Variants in EGFLAM observed in about 807,000 individuals in gnomAD.
EGFLAM encodes the protein EGF like, fibronectin type III and laminin G domains.
EGFLAM carries 79 observed loss-of-function variants against 113.1 expected under a neutral mutation model. The observed-to-expected ratio is 0.70, with a 90% CI of 0.58 to 0.84. The LOEUF (loss-of-function observed/expected upper bound fraction) is 0.84, where lower values mean the gene tolerates loss of function less well. Ranked by LOEUF, EGFLAM falls within the 40% of genes least tolerant of loss-of-function variation. The pLI is 0.00. For synonymous variants in EGFLAM, 504 were observed against 487.6 expected (o/e 1.03, Z -0.44); for missense variants, 1,265 against 1,291.6 (o/e 0.98, Z 0.32).
At chr5:38,399,165 G>T (rs1424818614) in intron 6 of EGFLAM, among the ~76,000 whole-genome samples, 1 of 152,120 alleles carries the variant, frequency 6.6e-6, no homozygotes, top group Admixed American at 6.5e-5. Context: ...CACCTACCCA[G>T]GCTACTGTTT....
chr5:38,443,769 C>CTTTT (rs11320853), intron 17 of EGFLAM, among the ~76,000 whole-genome samples: 3 of 133,268 alleles, frequency 2.3e-5, no homozygotes, highest in Admixed American at 7.5e-5. Flanking sequence ...CCCTTCAACT[C>CTTTT]TTTTTTTTTT....
At chr5:38,347,697 C>T (rs552880496) in intron 3 of EGFLAM, among the ~76,000 whole-genome samples, 194 of 152,120 alleles carry the variant, frequency 1.3e-3, no homozygotes, top group African/African-American at 4.4e-3. Context: ...GGAGGGGACA[C>T]GGTACGGGAT....
chr5:38,358,116 C>A (rs1186358403), intron 5 of EGFLAM, among the ~76,000 whole-genome samples: 1 of 151,512 alleles, frequency 6.6e-6, no homozygotes, highest in Non-Finnish European at 1.5e-5. Flanking sequence ...CCACTGTATT[C>A]CAGCTCAGGC....
intron 1 of EGFLAM, among the ~76,000 whole-genome samples, chr5:38,309,646 C>T (rs1738363123): frequency 6.6e-6 from 1 of 152,146 alleles, no homozygotes; most frequent in Non-Finnish European, 1.5e-5. Flanking sequence ...GACAATGTGA[C>T]CTAAAGCCTT....
At chr5:38,305,484 G>A (rs1758698788) in intron 1 of EGFLAM, 1 of 454,836 alleles carries the variant, frequency 2.2e-6, no homozygotes, top group Non-Finnish European at 4.4e-6. Flanking sequence ...CATGACGCAG[G>A]ACCAAAGCTG....
At chr5:38,445,700 A>G in intron 17 of EGFLAM, 1 of 1,598,366 alleles carries the variant, frequency 6.3e-7, no homozygotes, top group South Asian at 1.1e-5. Context: ...TACTGCCTCA[A>G]TAGTAAGTAC....
At chr5:38,308,097 A>G (rs979820679) in intron 1 of EGFLAM, among the ~76,000 whole-genome samples, 6 of 152,248 alleles carry the variant, frequency 3.9e-5, no homozygotes, top group African/African-American at 1.4e-4. Flanking sequence ...CTTAGGAATA[A>G]ACAGACTTCT....
intron 19 of EGFLAM, among the ~76,000 whole-genome samples, chr5:38,452,616 C>A (rs1742958344): frequency 6.6e-6 from 1 of 152,198 alleles, no homozygotes; most frequent in South Asian, 2.1e-4. Context: ...AAACCCTAAG[C>A]TCCAGGAGCC....
At chr5:38,367,731 G>A (rs993649682) in intron 5 of EGFLAM, among the ~76,000 whole-genome samples, 5 of 152,164 alleles carry the variant, frequency 3.3e-5, no homozygotes, top group Non-Finnish European at 5.9e-5. Flanking sequence ...GTGTTTTGGA[G>A]GATGATTTAA....
intron 12 of EGFLAM, among the ~76,000 whole-genome samples, chr5:38,424,160 G>T (rs1741925060): frequency 6.6e-6 from 1 of 152,172 alleles, no homozygotes; most frequent in Non-Finnish European, 1.5e-5. Flanking sequence ...CACACAAAGA[G>T]AAAACACAAA....
At chr5:38,354,280 T>C (rs554479525) in intron 5 of EGFLAM, among the ~76,000 whole-genome samples, 44 of 152,262 alleles carry the variant, frequency 2.9e-4, no homozygotes, top group Non-Finnish European at 4.9e-4. Flanking sequence ...TAATCCTGGT[T>C]CCAATACTGG....
chr5:38,286,179 C>T (rs1430225303), intron 1 of EGFLAM: 1 of 152,006 alleles, frequency 6.6e-6, no homozygotes, highest in African/African-American at 2.4e-5. Flanking sequence ...GAAACAAGAA[C>T]ACTTTTACTC....
intron 15 of EGFLAM, among the ~76,000 whole-genome samples, 165 bp from the exon 16 acceptor site, chr5:38,434,972 T>C (rs1742297370): frequency 6.6e-6 from 1 of 152,188 alleles, no homozygotes; most frequent in Admixed American, 6.5e-5. Context: ...TAAGGAGCAA[T>C]GAGAAACACT....
chr5:38,334,160 G>C (rs1739125242), intron 1 of EGFLAM, among the ~76,000 whole-genome samples: 2 of 152,102 alleles, frequency 1.3e-5, no homozygotes, highest in African/African-American at 4.8e-5. Context: ...CTGACCTCAG[G>C]TGATCCACCT....
chr5:38,357,437 A>G (rs989824718), intron 5 of EGFLAM, among the ~76,000 whole-genome samples: 5 of 152,084 alleles, frequency 3.3e-5, no homozygotes, highest in Non-Finnish European at 7.4e-5. Flanking sequence ...CAGCCCAAAG[A>G]GACTAAGACA....
intron 2 of EGFLAM, among the ~76,000 whole-genome samples, chr5:38,338,497 C>T (rs1739244936): frequency 6.6e-6 from 1 of 152,192 alleles, no homozygotes; most frequent in African/African-American, 2.4e-5. Context: ...TATGTGTCTT[C>T]CTCCTGGACT....
chr5:38,407,285 T>C, intron 8 of EGFLAM, 139 bp downstream of exon 8: 1 of 973,970 alleles, frequency 1.0e-6, no homozygotes, highest in East Asian at 2.6e-5. Flanking sequence ...GGTCATTAAA[T>C]TAACTATACA....
In EGFLAM at chr5:38,258,611, G is replaced by C. The variant is rs1160754612; in HGVS notation, c.-144G>C. 3.3e-6 allele frequency: 3 copies of C among 916,170 alleles called. No individual in the cohort carries two copies. The highest frequency in any genetic ancestry group is 5.1e-6 in the Non-Finnish European group (3 of 582,958). 56.8% of individuals were successfully genotyped at this position (916,170 alleles called of 1,614,324 possible). On this transcript the variant is annotated 5_prime_UTR_variant, in exon 1 of 22. Transcript: ENST00000322350. ...AGTCCTACCTCTTGGAACTACCCGTGTTTCCGGGCCCAGCCCTCGCAGCCC... is the reference window on the plus strand; with the variant it reads ...AGTCCTACCTCTTGGAACTACCCGTCTTTCCGGGCCCAGCCCTCGCAGCCC...
At chr5:38,311,944 A>C (rs928623421) in intron 1 of EGFLAM, among the ~76,000 whole-genome samples, 2 of 152,216 alleles carry the variant, frequency 1.3e-5, no homozygotes, top group African/African-American at 4.8e-5. Context: ...TTTATTTCAC[A>C]AGGCAATTTA....
Sources: gnomAD v4.1 joint callset for allele counts (sites outside exome capture counted in the v4.1 genomes callset) on GRCh38, gnomAD v4.1.1 for gene constraint, MANE v1.5 for transcripts, NCBI Gene and HGNC (gene_info 2026-07-23, HGNC 2026-07-21) for gene names.